Variants in ITCH observed in about 807,000 individuals in gnomAD.
The protein encoded by ITCH is itchy E3 ubiquitin protein ligase.
In ITCH, 28 loss-of-function variants were observed where a neutral mutation model predicts 126.8. The observed-to-expected ratio is 0.22, with a 90% CI of 0.16 to 0.30. The LOEUF (loss-of-function observed/expected upper bound fraction) is 0.30. Among genes scored for constraint, ITCH ranks in the 10% least tolerant of loss-of-function variants. The pLI is 1.00. For synonymous variants in ITCH, 342 were observed against 340.0 expected (o/e 1.01, Z -0.06); for missense variants, 631 against 1,032.4 (o/e 0.61, Z 5.33).
At chr20:34,366,594 C>G (rs1418310784) in intron 1 of ITCH, among the ~76,000 whole-genome samples, 1 of 151,916 alleles carries the variant, frequency 6.6e-6, no homozygotes, top group Admixed American at 6.6e-5. Context: ...GGGCTGGGCT[C>G]AGTGCCTCAC....
At chr20:34,495,901 C>G (rs1414029312) in intron 23 of ITCH, among the ~76,000 whole-genome samples, 3 of 146,562 alleles carry the variant, frequency 2.0e-5, no homozygotes, top group Non-Finnish European at 3.0e-5. Flanking sequence ...ATAGTGAAAC[C>G]CTGTCTCTAC....
In ITCH at chr20:34,480,610, T is replaced by C. The variant is rs1045275871; in HGVS notation, c.1830T>C (p.His610=). ...IGRFIAMALF[H]GKFIDTGFSL... ...TCCTTTTTTCATAGGCTCTGTTCCA[T>C]GGGAAATTCATAGACACGGGTTTTT... The change falls in exon 19 of 25, where the codon CAT becomes CAC. Residue 610 remains histidine, a synonymous_variant. Transcript: ENST00000374864. The C allele has an allele frequency of 1.2e-6, 2 of 1,613,754 alleles. No individual in the cohort carries two copies. Among genetic ancestry groups the C allele is most frequent in the African/African-American group, 2.7e-5 (2 of 74,938 alleles).
rs1982729828 is a variant in ITCH, at chr20:34,434,337, T to TA, written c.522-4135dup. On this transcript the variant is annotated intron_variant, in intron 7 of 24. Coordinates refer to ENST00000374864, the MANE Select transcript of ITCH (RefSeq NM_031483.7). ...ATAAAATAAAATGCACTAACTATATTAACTGCATTTTAAAAAAGAGTATAG... is the reference window on the plus strand; with the variant it reads ...ATAAAATAAAATGCACTAACTATATTAAACTGCATTTTAAAAAAGAGTATAG... 5.9e-5 allele frequency among the ~76,000 whole-genome samples: 9 copies of TA among 152,178 alleles called. 1 individual carries two copies. In the South Asian group the frequency reaches 1.9e-3, roughly 32 times the overall value.
At chr20:34,397,839 A>C (rs2038728813) in intron 3 of ITCH, among the ~76,000 whole-genome samples, 1 of 152,120 alleles carries the variant, frequency 6.6e-6, no homozygotes, top group Non-Finnish European at 1.5e-5. Flanking sequence ...TTATTAGAAC[A>C]GTCCTTTAAA....
intron 1 of ITCH, among the ~76,000 whole-genome samples, chr20:34,367,117 G>A (rs1177765085): frequency 2.0e-5 from 3 of 152,150 alleles, no homozygotes; most frequent in Admixed American, 2.0e-4. Flanking sequence ...TTGTTCATTA[G>A]CATCTTTGAG....
intron 13 of ITCH, among the ~76,000 whole-genome samples, chr20:34,458,633 C>T (rs1233728816): frequency 1.3e-5 from 2 of 152,186 alleles, no homozygotes; most frequent in Admixed American, 1.3e-4. Flanking sequence ...GGGCCATGCT[C>T]ACTCAGAAGA....
At chr20:34,388,087 G>A (rs2038354181) in intron 2 of ITCH, among the ~76,000 whole-genome samples, 1 of 150,940 alleles carries the variant, frequency 6.6e-6, no homozygotes, top group African/African-American at 2.4e-5. Flanking sequence ...GCATACTGCT[G>A]TACTTGTGAA....
chr20:34,372,561 T>C (rs1392180527), intron 2 of ITCH, among the ~76,000 whole-genome samples: 1 of 151,348 alleles, frequency 6.6e-6, no homozygotes, highest in African/African-American at 2.4e-5. Context: ...TTTGTATTTT[T>C]AGTAGAGATG....
intron 2 of ITCH, among the ~76,000 whole-genome samples, chr20:34,387,620 A>C (rs1177847735): frequency 1.4e-5 from 2 of 139,258 alleles, no homozygotes; most frequent in Non-Finnish European, 1.6e-5. Flanking sequence ...ACCCTGTCTC[A>C]AAAAAAAAAA....
chr20:34,486,697 T>A (rs1215014009), intron 20 of ITCH, among the ~76,000 whole-genome samples: 3 of 151,242 alleles, frequency 2.0e-5, no homozygotes, highest in Admixed American at 2.0e-4. Flanking sequence ...TATGTTTTAT[T>A]TTTATTATTA....
At chr20:34,481,292 C>T (rs1988724561) in intron 20 of ITCH, 86 bp downstream of exon 20, 1 of 1,353,064 alleles carries the variant, frequency 7.4e-7, no homozygotes, top group South Asian at 1.2e-5. Context: ...AGAGTATCTC[C>T]AAAAATAGTA....
chr20:34,444,474 T>A (rs1447114917), intron 10 of ITCH, among the ~76,000 whole-genome samples: 3 of 152,000 alleles, frequency 2.0e-5, no homozygotes, highest in Non-Finnish European at 4.4e-5. Context: ...TCACAGCTAC[T>A]CAGGAGGCTG....
At chr20:34,399,707 C>A (rs1264541688) in intron 3 of ITCH, among the ~76,000 whole-genome samples, 1 of 150,050 alleles carries the variant, frequency 6.7e-6, no homozygotes, top group Non-Finnish European at 1.5e-5. Context: ...CAGGTGTGGT[C>A]ATACGTGCCT....
At position 34,476,435 on chromosome 20, in the gene ITCH, A is replaced by G. The variant is rs1481724823; in HGVS notation, c.1570-1337A>G. On this transcript the variant is annotated intron_variant, in intron 16 of 24. Coordinates refer to ENST00000374864, the MANE Select transcript of ITCH (RefSeq NM_031483.7). ...CCGGCCGGGTCGCCGAGGACCGCAGAAGCGGCGCGCAGCAGCCGGGCGCCC... is the reference window on the plus strand; with the variant it reads ...CCGGCCGGGTCGCCGAGGACCGCAGGAGCGGCGCGCAGCAGCCGGGCGCCC... 5.7e-6 allele frequency: 7 copies of G among 1,226,018 alleles called. No homozygotes were observed. The East Asian group carries it at 2.0e-4, about 35-fold the overall frequency. The allele number at this position is 1,226,018 out of a possible 1,614,324, so 75.9% of individuals were successfully genotyped here.
chr20:34,438,484 A>G lies in ITCH; in HGVS notation c.532A>G (p.Asn178Asp), dbSNP rs773485992. 1.9e-6 allele frequency: 3 copies of G among 1,613,928 alleles called. No individual in the cohort carries two copies. Among genetic ancestry groups the G allele is most frequent in the African/African-American group, 2.7e-5 (2 of 74,866 alleles). The change falls in exon 8 of 25, where the codon AAT becomes GAT. Residue 178 changes from asparagine to aspartate, a missense_variant. Asn to Asp is a conservative substitution (Grantham distance 23, BLOSUM62 1). Coordinates refer to ENST00000374864, the MANE Select transcript of ITCH (RefSeq NM_031483.7). ...RSKDETRVST[N>D]GSDDPEDAGA... ...CCTCTTCTTACCCAGAGTGAGCACAAATGGATCAGATGACCCTGAAGATGC... is the reference window on the plus strand; with the variant it reads ...CCTCTTCTTACCCAGAGTGAGCACAGATGGATCAGATGACCCTGAAGATGC...
At chr20:34,375,742 G>A (rs2037819301) in intron 2 of ITCH, among the ~76,000 whole-genome samples, 1 of 64,156 alleles carries the variant, frequency 1.6e-5, no homozygotes, top group Non-Finnish European at 2.8e-5. Context: ...ACCAGTTGCT[G>A]TGGCTCACTT....
At chr20:34,390,562 G>T (rs893573092) in intron 2 of ITCH, among the ~76,000 whole-genome samples, 1 of 137,396 alleles carries the variant, frequency 7.3e-6, no homozygotes, top group South Asian at 2.5e-4. Context: ...CGATCCTCCC[G>T]CCTCAGCCTC....
intron 1 of ITCH, among the ~76,000 whole-genome samples, chr20:34,364,936 A>G (rs1315645660): frequency 9.5e-5 from 14 of 147,018 alleles, no homozygotes; most frequent in Admixed American, 6.9e-4. Flanking sequence ...GTGGTGGCTC[A>G]CGCCTGTAAT....
chr20:34,499,161 A>G (rs1464743477), intron 23 of ITCH, among the ~76,000 whole-genome samples: 1 of 147,874 alleles, frequency 6.8e-6, no homozygotes, highest in Non-Finnish European at 1.5e-5. Context: ...TTTTTAGTAG[A>G]GACGGGGTTT....
Sources: allele counts gnomAD v4.1 joint callset (sites outside exome capture counted in the v4.1 genomes callset), GRCh38; gene constraint gnomAD v4.1.1; transcripts MANE v1.5; gene names NCBI Gene and HGNC (gene_info 2026-07-23, HGNC 2026-07-21).